Variants in GALNS observed in about 807,000 individuals in gnomAD.
GALNS encodes galactosamine (N-acetyl)-6-sulfatase, also known as N-acetylgalactosamine-6-sulfatase.
GALNS carries 65 observed loss-of-function variants against 65.9 expected under a neutral mutation model. The observed-to-expected ratio is 0.99, with a 90% CI of 0.81 to 1.21. The LOEUF (loss-of-function observed/expected upper bound fraction) is 1.21. Among genes scored for constraint, GALNS ranks in the 50% most tolerant of loss-of-function variants. The pLI, the probability that GALNS is intolerant of heterozygous loss-of-function variation, is 0.00. For synonymous variants in GALNS, 346 were observed against 288.9 expected, an observed-to-expected ratio of 1.20 and a Z score of -2.00; for missense variants, 776 against 700.7, an observed-to-expected ratio of 1.11 and a Z score of -1.21.
At chr16:88,841,848 G>T in intron 3 of GALNS, 49 bp downstream of exon 3, 1 of 1,551,512 alleles carries the variant, frequency 6.4e-7, no homozygotes, top group Non-Finnish European at 8.8e-7. Flanking sequence ...TAGCCCACCT[G>T]CCCAACCCTG....
intron 1 of GALNS, among the ~76,000 whole-genome samples, chr16:88,853,480 C>T (rs780449359): frequency 7.2e-5 from 11 of 152,096 alleles, no homozygotes; most frequent in Non-Finnish European, 1.5e-4. Context: ...TCTGGTGGCT[C>T]GACGAGGCTG....
intron 1 of GALNS, chr16:88,855,438 G>T (rs765950371): frequency 1.4e-6 from 1 of 702,862 alleles, no homozygotes; most frequent in Non-Finnish European, 2.6e-6. Flanking sequence ...GGAGGGAGAT[G>T]CCACTCAGTG....
chr16:88,856,152 G>T (rs1293469895), intron 1 of GALNS: 4 of 702,488 alleles, frequency 5.7e-6, no homozygotes, highest in East Asian at 2.7e-5. Flanking sequence ...CCCCGCACTT[G>T]CCCACCAGGA....
intron 1 of GALNS, chr16:88,856,116 G>T (rs1278258981): frequency 5.7e-6 from 4 of 697,898 alleles, no homozygotes; most frequent in Non-Finnish European, 1.0e-5. Context: ...AGGGAAGGAG[G>T]CCTCCAGGCT....
At chr16:88,831,855 G>A (rs1366401655) in intron 9 of GALNS, 143 bp downstream of exon 9, 1 of 718,434 alleles carries the variant, frequency 1.4e-6, no homozygotes, top group East Asian at 2.7e-5. Flanking sequence ...GTGCGTGGAG[G>A]CTGAGCACAG....
intron 11 of GALNS, among the ~76,000 whole-genome samples, chr16:88,823,731 C>A (rs1475959552): frequency 7.7e-6 from 1 of 129,458 alleles, no homozygotes; most frequent in African/African-American, 3.1e-5. Flanking sequence ...CCCTCGCAGG[C>A]GGCAATGCCC....
chr16:88,842,268 C>T, intron 2 of GALNS: 1 of 553,776 alleles, frequency 1.8e-6, no homozygotes, highest in Non-Finnish European at 3.3e-6. Context: ...TCCACACGCC[C>T]CCATCCTCGA....
intron 13 of GALNS, chr16:88,817,145 G>A (rs938398049): frequency 1.0e-6 from 1 of 985,346 alleles, no homozygotes; most frequent in Non-Finnish European, 1.2e-6. Flanking sequence ...TGCACACGCG[G>A]GATGGCTGGG....
At chr16:88,839,245 C>A (rs888120101) in intron 4 of GALNS, among the ~76,000 whole-genome samples, 9 of 147,488 alleles carry the variant, frequency 6.1e-5, no homozygotes, top group Non-Finnish European at 3.0e-5. Flanking sequence ...CTCGTGCGCC[C>A]ACGTCCGCAG....
chr16:88,833,090 A>G (rs947393592), intron 8 of GALNS, among the ~76,000 whole-genome samples: 2 of 151,732 alleles, frequency 1.3e-5, no homozygotes, highest in African/African-American at 4.8e-5. Flanking sequence ...AAAAAAAAAA[A>G]AAAAAAAAAA....
At chr16:88,819,930 G>A (rs1487457267) in intron 12 of GALNS, among the ~76,000 whole-genome samples, 1 of 152,286 alleles carries the variant, frequency 6.6e-6, no homozygotes, top group Admixed American at 6.5e-5. Context: ...CTGACCTCAT[G>A]ATCTGCCTGC....
intron 9 of GALNS, chr16:88,827,187 AG>A (rs1911019924): frequency 5.3e-6 from 2 of 375,738 alleles, no homozygotes; most frequent in Admixed American, 3.9e-5. Context: ...GAATGCCCTA[AG>A]GCCACTGTGA....
intron 1 of GALNS, among the ~76,000 whole-genome samples, chr16:88,848,655 G>A (rs1423942708): frequency 2.6e-5 from 4 of 152,114 alleles, no homozygotes; most frequent in South Asian, 2.1e-4. Context: ...GGTCGGGGCC[G>A]GTGGGCGTTT....
At chr16:88,832,863 C>A (rs1426182901) in intron 8 of GALNS, among the ~76,000 whole-genome samples, 1 of 152,232 alleles carries the variant, frequency 6.6e-6, no homozygotes, top group African/African-American at 2.4e-5. Flanking sequence ...GAGTTCAAGA[C>A]TAGCCTAGAC....
chr16:88,825,010 G>C, intron 10 of GALNS, 141 bp from the exon 11 acceptor site: 1 of 768,444 alleles, frequency 1.3e-6, no homozygotes, highest in South Asian at 1.5e-5. Context: ...TGATTGAAAA[G>C]TAAAAAGGCC....
At chr16:88,817,304 A>T (rs1909732010) in intron 13 of GALNS, 3 of 985,296 alleles carry the variant, frequency 3.0e-6, no homozygotes, top group Non-Finnish European at 2.4e-6. Flanking sequence ...CTTTGGAGGC[A>T]CGTCTGTGCT....
At chr16:88,846,418 G>A (rs1274468727) in intron 1 of GALNS, among the ~76,000 whole-genome samples, 1 of 152,020 alleles carries the variant, frequency 6.6e-6, no homozygotes, top group Admixed American at 6.6e-5. Flanking sequence ...AGGGGCAAGA[G>A]GTCCCTTGCA....
At position 88,814,368 on chromosome 16, in the gene GALNS, G is replaced by C; in HGVS notation, c.*71C>G. 6.5e-7 allele frequency: 1 copy of C among 1,544,194 alleles called. No homozygotes were observed. The highest frequency in any genetic ancestry group is 8.8e-7 in the Non-Finnish European group (1 of 1,142,822). ...CAGGGTTGGGGGAGGACCGAGGCCA[G>C]AGCCATCCTTCCTCCAGGCACTTGC... On this transcript the variant is annotated 3_prime_UTR_variant, in exon 14 of 14. Transcript: ENST00000268695.
intron 1 of GALNS, among the ~76,000 whole-genome samples, chr16:88,854,306 G>A (rs907014566): frequency 1.3e-5 from 2 of 152,208 alleles, no homozygotes; most frequent in Admixed American, 6.5e-5. Context: ...ACAGGGCTGC[G>A]GAGGAAGCCC....
Sources: gnomAD v4.1 joint callset for allele counts (sites outside exome capture counted in the v4.1 genomes callset) on GRCh38, gnomAD v4.1.1 for gene constraint, MANE v1.5 for transcripts, NCBI Gene and HGNC (gene_info 2026-07-23, HGNC 2026-07-21) for gene names.